ARL15: variants seen among roughly 807,000 people sequenced by gnomAD.
ARL15 encodes ADP-ribosylation factor-like protein 15.
A neutral mutation model predicts 25.2 loss-of-function variants in ARL15; 19 were observed. The ratio of observed to expected loss-of-function variants is 0.75; its 90% CI spans 0.53 to 1.10. The LOEUF is 1.10. ARL15 is among the 50% of genes least tolerant of loss of function. The probability of loss-of-function intolerance (pLI) is 0.00; values close to 1 mark genes in which losing one functional copy is unlikely to be tolerated. For missense variants in ARL15, 220 were observed against 246.0 expected, an observed-to-expected ratio of 0.89 and a Z score of 0.71; for synonymous variants, 94 against 86.8, an observed-to-expected ratio of 1.08 and a Z score of -0.46.
At chr5:54,031,796 C>T (rs1749994136) in intron 4 of ARL15, among the ~76,000 whole-genome samples, 1 of 152,128 alleles carries the variant, frequency 6.6e-6, no homozygotes, top group African/African-American at 2.4e-5. Context: ...TTCCCCATGA[C>T]ACAGATCATC....
chr5:54,127,977 T>A lies in ARL15; in HGVS notation c.254-14567A>T, dbSNP rs555623525. Among the ~76,000 whole-genome samples the A allele has an allele frequency of 4.0e-5, 6 of 150,174 alleles. No homozygotes were observed. The South Asian group carries it at 1.2e-3, about 31-fold the overall frequency. ...AACTGGCTAGCCATATGTAGCAAGCTGAAACTGGATCCCTTCCTTACACCT... is the reference window on the plus strand; with the variant it reads ...AACTGGCTAGCCATATGTAGCAAGCAGAAACTGGATCCCTTCCTTACACCT... On this transcript the variant is annotated intron_variant, in intron 3 of 4. Transcript: ENST00000504924.
chr5:54,266,677 T>C (rs1475750946), intron 1 of ARL15, among the ~76,000 whole-genome samples: 1 of 152,188 alleles, frequency 6.6e-6, no homozygotes, highest in Admixed American at 6.5e-5. Flanking sequence ...AATGCTGGCA[T>C]TTAGAAATAT....
intron 3 of ARL15, among the ~76,000 whole-genome samples, chr5:54,140,491 C>T (rs1007629230): frequency 2.0e-5 from 3 of 150,080 alleles, no homozygotes; most frequent in Non-Finnish European, 3.0e-5. Flanking sequence ...GATATGCTTA[C>T]ACAGCCCACA....
At chr5:54,090,583 G>A (rs1209066805) in intron 4 of ARL15, among the ~76,000 whole-genome samples, 3 of 151,646 alleles carry the variant, frequency 2.0e-5, no homozygotes, top group African/African-American at 7.3e-5. Flanking sequence ...ATTGCCATTT[G>A]CTCTAATACT....
intron 4 of ARL15, among the ~76,000 whole-genome samples, chr5:53,979,643 G>A (rs568313045): frequency 6.6e-6 from 1 of 152,264 alleles, no homozygotes; most frequent in Non-Finnish European, 1.5e-5. Flanking sequence ...CAGTCATAGG[G>A]CTGGAGACAA....
At chr5:54,186,684 T>C (rs552919294) in intron 1 of ARL15, among the ~76,000 whole-genome samples, 1 of 152,150 alleles carries the variant, frequency 6.6e-6, no homozygotes, top group South Asian at 2.1e-4. Flanking sequence ...CTTTTAGTAT[T>C]TGCTTTATAT....
chr5:53,963,852 C>CAA (rs1747455427), intron 4 of ARL15, among the ~76,000 whole-genome samples: 1 of 149,836 alleles, frequency 6.7e-6, no homozygotes, highest in Non-Finnish European at 1.5e-5. Context: ...CACACACATA[C>CAA]ACAGAGTAAC....
At chr5:54,082,784 G>C (rs10060723) in intron 4 of ARL15, among the ~76,000 whole-genome samples, 1 of 150,632 alleles carries the variant, frequency 6.6e-6, no homozygotes, top group Non-Finnish European at 1.5e-5. Context: ...ATTTAGAGGG[G>C]GGAAAATTAG....
intron 1 of ARL15, among the ~76,000 whole-genome samples, chr5:54,244,799 TA>T (rs10560131): frequency 4.6e-4 from 69 of 148,744 alleles, no homozygotes; most frequent in East Asian, 1.2e-3. Flanking sequence ...AAGGTAGCCA[TA>T]AAAAAAAAAA....
chr5:54,149,434 C>A (rs777680143), intron 3 of ARL15, among the ~76,000 whole-genome samples: 12 of 151,810 alleles, frequency 7.9e-5, no homozygotes, highest in Non-Finnish European at 1.5e-4. Flanking sequence ...TTATTTCTGA[C>A]CTTGGAAAAA....
At chr5:53,924,200 C>T (rs1311955799) in intron 4 of ARL15, among the ~76,000 whole-genome samples, 1 of 152,190 alleles carries the variant, frequency 6.6e-6, no homozygotes, top group Non-Finnish European at 1.5e-5. Context: ...GCTTTAGCAG[C>T]TTTTGGAAAG....
rs200068857 is a variant in ARL15, at chr5:54,268,123, G to A, written c.48+42309C>T. ...GGTACACCAATCAGACGTAGATTTGGTCTTTTCACATAGTCCCATATTTCT... is the reference window on the plus strand; with the variant it reads ...GGTACACCAATCAGACGTAGATTTGATCTTTTCACATAGTCCCATATTTCT... On this transcript the variant is annotated intron_variant, in intron 1 of 4. Transcript: ENST00000504924. Among the ~76,000 whole-genome samples the A allele has an allele frequency of 7.9e-5, 12 of 151,766 alleles. No homozygotes were observed. In the East Asian group the frequency reaches 2.3e-3, roughly 29 times the overall value.
At chr5:54,080,645 T>C (rs1751768906) in intron 4 of ARL15, among the ~76,000 whole-genome samples, 1 of 152,158 alleles carries the variant, frequency 6.6e-6, no homozygotes, top group South Asian at 2.1e-4. Context: ...TCTAATAATA[T>C]TCATATTCAA....
At chr5:54,198,157 C>G (rs1007318767) in intron 1 of ARL15, among the ~76,000 whole-genome samples, 72 of 151,200 alleles carry the variant, frequency 4.8e-4, no homozygotes, top group Admixed American at 1.1e-3. Flanking sequence ...AAAATAATAT[C>G]AGCTATCTAT....
At chr5:53,918,416 C>T (rs1459245881) in intron 4 of ARL15, among the ~76,000 whole-genome samples, 2 of 152,084 alleles carry the variant, frequency 1.3e-5, no homozygotes, top group Non-Finnish European at 2.9e-5. Flanking sequence ...TGGTCACGTA[C>T]TCCTGGGCTT....
chr5:54,025,368 T>C lies in ARL15; in HGVS notation c.462+87834A>G, dbSNP rs538675339. ...GCCAAGAACAGCAAACCTAATATCA[T>C]GGCTTGTGAAGGCGATTCTGTAAGG... On this transcript the variant is annotated intron_variant, in intron 4 of 4. Coordinates refer to ENST00000504924, the MANE Select transcript of ARL15 (RefSeq NM_019087.3). 2.0e-5 allele frequency among the ~76,000 whole-genome samples: 3 copies of C among 151,424 alleles called. No homozygotes were observed. The South Asian group carries it at 6.3e-4, about 32-fold the overall frequency.
intron 4 of ARL15, among the ~76,000 whole-genome samples, chr5:54,077,705 C>T (rs113442294): frequency 0.037 from 5,651 of 152,162 alleles, 143 homozygotes; most frequent in Non-Finnish European, 0.058. Flanking sequence ...AGGTAAGTCG[C>T]GTCAGTCTCT....
At chr5:53,968,736 A>G (rs2112174407) in intron 4 of ARL15, among the ~76,000 whole-genome samples, 1 of 151,616 alleles carries the variant, frequency 6.6e-6, no homozygotes, top group East Asian at 2.0e-4. Flanking sequence ...GTCTCGAACT[A>G]TTGACCTTGT....
rs116556753 is a variant in ARL15 at position 54,081,177 on chromosome 5, G to A, written c.462+32025C>T. ...ACTTAAATCAAAAATTATGTCCTATGTCATTCATGAAAGTATGCGTTATAT... is the reference window on the plus strand; with the variant it reads ...ACTTAAATCAAAAATTATGTCCTATATCATTCATGAAAGTATGCGTTATAT... On this transcript the variant is annotated intron_variant, in intron 4 of 4. Coordinates refer to ENST00000504924, the MANE Select transcript of ARL15 (RefSeq NM_019087.3). Among the ~76,000 whole-genome samples the A allele has an allele frequency of 2.2e-4, 34 of 152,270 alleles. No homozygotes were observed. In the South Asian group the frequency reaches 6.4e-3, roughly 29 times the overall value.
Sources: allele counts gnomAD v4.1 joint callset (sites outside exome capture counted in the v4.1 genomes callset), GRCh38; gene constraint gnomAD v4.1.1; transcripts MANE v1.5; gene names NCBI Gene and HGNC (gene_info 2026-07-23, HGNC 2026-07-21).